The following TBCK variants were observed in gnomAD, a reference collection of about 807,000 sequenced individuals.
TBCK encodes the protein TBC1 domain containing kinase.
Under a neutral mutation model 113.4 loss-of-function variants are expected in TBCK, and 99 were observed. The observed-to-expected ratio is 0.87, with a 90% confidence interval of 0.74 to 1.03. The LOEUF (loss-of-function observed/expected upper bound fraction) is 1.03, where lower values mean the gene tolerates loss of function less well. Ranked by LOEUF, TBCK falls within the 50% of genes least tolerant of loss-of-function variation. The pLI is 0.00. For missense variants in TBCK, 1,045 were observed against 1,061.3 expected, an observed-to-expected ratio of 0.98 and a Z score of 0.21; for synonymous variants, 369 against 370.8, an observed-to-expected ratio of 1.00 and a Z score of 0.05.
At chr4:106,217,631 G>T (rs1407478897) in intron 19 of TBCK, among the ~76,000 whole-genome samples, 1 of 150,496 alleles carries the variant, frequency 6.6e-6, no homozygotes, top group Non-Finnish European at 1.5e-5. Context: ...GCTTCAAAGA[G>T]AATAAAATAC....
At chr4:106,147,478 G>T (rs527679273) in intron 23 of TBCK, among the ~76,000 whole-genome samples, 35 of 152,300 alleles carry the variant, frequency 2.3e-4, no homozygotes, top group African/African-American at 7.9e-4. Flanking sequence ...GCAGAAGAAC[G>T]TGGATTGTGA....
intron 25 of TBCK, among the ~76,000 whole-genome samples, chr4:106,094,757 A>G (rs1335469056): frequency 2.0e-5 from 3 of 152,138 alleles, no homozygotes; most frequent in Admixed American, 2.0e-4. Context: ...CTTTTAGAAA[A>G]AAGCTGTCTG....
rs1477896431 is a variant in TBCK at position 106,133,905 on chromosome 4, G to T, written c.2236-17527C>A. ...GGTGCCTGTAATACCAGCTACTCAG[G>T]AGGCTGAGGCAGGAGAATTGCTTGA... On this transcript the variant is annotated intron_variant, in intron 23 of 25. Coordinates refer to ENST00000394708, the MANE Select transcript of TBCK (RefSeq NM_001163435.3). 2.6e-5 allele frequency among the ~76,000 whole-genome samples: 4 copies of T among 152,242 alleles called. No homozygotes were observed. In the East Asian group the frequency reaches 7.7e-4, roughly 29 times the overall value.
chr4:106,153,639 A>T (rs537353743), intron 23 of TBCK, among the ~76,000 whole-genome samples: 1 of 152,214 alleles, frequency 6.6e-6, no homozygotes, highest in East Asian at 1.9e-4. Context: ...TGTCTGGAAG[A>T]TGTATCCAGT....
At chr4:106,158,079 A>G (rs976038412) in intron 23 of TBCK, among the ~76,000 whole-genome samples, 1 of 152,182 alleles carries the variant, frequency 6.6e-6, no homozygotes. Context: ...ATCTTGGTAA[A>G]GTTGTCAAGG....
At chr4:106,242,891 T>C (rs1055115587) in intron 11 of TBCK, among the ~76,000 whole-genome samples, 1 of 117,186 alleles carries the variant, frequency 8.5e-6, no homozygotes, top group Admixed American at 1.2e-4. Context: ...GTCCCCAGAG[T>C]GTGATGTTAC....
intron 20 of TBCK, among the ~76,000 whole-genome samples, chr4:106,209,997 C>G (rs182876682): frequency 4.5e-4 from 69 of 152,196 alleles, no homozygotes; most frequent in Middle Eastern, 6.8e-3. Flanking sequence ...CATATTCTCT[C>G]TTTATTCTTT....
rs1008173985 is a variant in TBCK, at chr4:106,166,047, T to C, written c.2235+5048A>G. On this transcript the variant is annotated intron_variant, in intron 23 of 25. Coordinates refer to ENST00000394708, the MANE Select transcript of TBCK (RefSeq NM_001163435.3). ...TTATAAAAGCCGCTTTTAAAATCTGTTTTTGACTCAGACATAAGAATATAT... is the reference window on the plus strand; with the variant it reads ...TTATAAAAGCCGCTTTTAAAATCTGCTTTTGACTCAGACATAAGAATATAT... Among the ~76,000 whole-genome samples the C allele has an allele frequency of 8.6e-5, 13 of 151,888 alleles. No individual in the cohort carries two copies. In the East Asian group the frequency reaches 2.3e-3, roughly 27 times the overall value.
chr4:106,239,198 T>C (rs1759804344), intron 12 of TBCK, among the ~76,000 whole-genome samples: 1 of 152,032 alleles, frequency 6.6e-6, no homozygotes, highest in Admixed American at 6.6e-5. Context: ...GTCTTTGATG[T>C]AGGGGAACAG....
intron 23 of TBCK, among the ~76,000 whole-genome samples, chr4:106,122,837 A>T (rs1045190718): frequency 1.5e-4 from 23 of 152,188 alleles, no homozygotes; most frequent in Non-Finnish European, 2.9e-4. Flanking sequence ...CCTTCATGCT[A>T]AAAACTCTCA....
chr4:106,193,297 A>C (rs1257124124), intron 22 of TBCK, among the ~76,000 whole-genome samples: 2 of 152,186 alleles, frequency 1.3e-5, no homozygotes, highest in African/African-American at 4.8e-5. Context: ...TCCATCACTG[A>C]AGAGAAACAG....
intron 25 of TBCK, among the ~76,000 whole-genome samples, chr4:106,051,611 T>TGA (rs61344757): frequency 0.32 from 48,572 of 151,340 alleles, 7,924 homozygotes; most frequent in African/African-American, 0.36. Flanking sequence ...TCTGGAATGC[T>TGA]TAATATGACA....
intron 23 of TBCK, among the ~76,000 whole-genome samples, chr4:106,124,890 T>C (rs1744964556): frequency 6.6e-6 from 1 of 151,392 alleles, no homozygotes; most frequent in Non-Finnish European, 1.5e-5. Flanking sequence ...TTGGGAGATA[T>C]ACCTAATGCT....
intron 2 of TBCK, among the ~76,000 whole-genome samples, chr4:106,301,618 G>A (rs537090264): frequency 3.9e-5 from 6 of 152,084 alleles, no homozygotes; most frequent in African/African-American, 1.4e-4. Flanking sequence ...GATTAGTTTC[G>A]AATGATCTAT....
intron 25 of TBCK, among the ~76,000 whole-genome samples, chr4:106,063,833 T>G (rs1736324008): frequency 1.3e-5 from 2 of 151,864 alleles, no homozygotes; most frequent in South Asian, 4.1e-4. Context: ...TGGCCATATA[T>G]GAACTATGAA....
chr4:106,052,420 G>A (rs994112443), intron 25 of TBCK, among the ~76,000 whole-genome samples: 5 of 151,732 alleles, frequency 3.3e-5, no homozygotes, highest in African/African-American at 7.3e-5. Context: ...TCTCATCCAT[G>A]TTTATTTTAT....
At chr4:106,111,247 C>T (rs185834406) in intron 24 of TBCK, among the ~76,000 whole-genome samples, 2 of 152,232 alleles carry the variant, frequency 1.3e-5, no homozygotes, top group Admixed American at 1.3e-4. Context: ...TGTAATTTGC[C>T]CATTTTCATC....
chr4:106,233,498 T>C, intron 16 of TBCK, 90 bp downstream of exon 16: 1 of 963,662 alleles, frequency 1.0e-6, no homozygotes, highest in Non-Finnish European at 1.6e-6. Context: ...TCTGTATTCA[T>C]GAGAGAAAGA....
chr4:106,082,345 C>T (rs1738979957), intron 25 of TBCK, among the ~76,000 whole-genome samples: 1 of 152,114 alleles, frequency 6.6e-6, no homozygotes, highest in South Asian at 2.1e-4. Context: ...AACAGAAAAC[C>T]AAACGCTACA....
Sources: allele counts gnomAD v4.1 joint callset (sites outside exome capture counted in the v4.1 genomes callset), GRCh38; gene constraint gnomAD v4.1.1; transcripts MANE v1.5; gene names NCBI Gene and HGNC (gene_info 2026-07-23, HGNC 2026-07-21).